The following ITGA1 variants were observed in gnomAD, a reference collection of about 807,000 sequenced individuals.
ITGA1 encodes integrin subunit alpha 1, also known as integrin alpha-1.
In ITGA1, 85 loss-of-function variants were observed where a neutral mutation model predicts 145.9. The observed-to-expected ratio is 0.58, with a 90% CI of 0.49 to 0.70. The LOEUF (loss-of-function observed/expected upper bound fraction) is 0.70. ITGA1 is among the 30% of genes least tolerant of loss of function. The pLI is 0.00. For synonymous variants in ITGA1, 520 were observed against 495.3 expected (o/e 1.05, Z -0.66); for missense variants, 1,351 against 1,418.7 (o/e 0.95, Z 0.77).
chr5:52,861,048 C>T (rs1173476986), intron 2 of ITGA1, among the ~76,000 whole-genome samples: 1 of 152,056 alleles, frequency 6.6e-6, no homozygotes, highest in African/African-American at 2.4e-5. Flanking sequence ...AATACAGTAG[C>T]AGACTTAGCC....
chr5:52,793,968 T>G (rs906891565), intron 1 of ITGA1, among the ~76,000 whole-genome samples: 1 of 152,064 alleles, frequency 6.6e-6, no homozygotes, highest in Admixed American at 6.6e-5. Flanking sequence ...AGACTAATTT[T>G]AATCAAAACT....
intron 8 of ITGA1, among the ~76,000 whole-genome samples, chr5:52,891,445 C>T (rs1035022067): frequency 6.7e-6 from 1 of 149,578 alleles, no homozygotes; most frequent in Non-Finnish European, 1.5e-5. Context: ...ACTGGGGATT[C>T]ATTTTTTGTT....
intron 1 of ITGA1, among the ~76,000 whole-genome samples, chr5:52,847,511 G>A (rs2111747961): frequency 6.6e-6 from 1 of 152,190 alleles, no homozygotes; most frequent in African/African-American, 2.4e-5. Context: ...ATGAGGCTCT[G>A]TAATTTTATA....
chr5:52,945,680 A>T (rs1751124802), intron 27 of ITGA1, among the ~76,000 whole-genome samples: 1 of 152,158 alleles, frequency 6.6e-6, no homozygotes, highest in Admixed American at 6.6e-5. Context: ...CTTCAGCATG[A>T]TCTCCCCCCT....
intron 15 of ITGA1, among the ~76,000 whole-genome samples, chr5:52,917,024 G>T (rs10039713): frequency 0.031 from 4,691 of 152,182 alleles, 277 homozygotes; most frequent in African/African-American, 0.11. Context: ...GGACCAAACC[G>T]ATATACTGGG....
intron 1 of ITGA1, among the ~76,000 whole-genome samples, chr5:52,823,396 G>A (rs1418658660): frequency 6.6e-6 from 1 of 152,096 alleles, no homozygotes; most frequent in African/African-American, 2.4e-5. Flanking sequence ...AGTAGAGATG[G>A]GGTTTTGCTC....
intron 15 of ITGA1, among the ~76,000 whole-genome samples, chr5:52,915,802 A>G (rs1750638373): frequency 6.6e-6 from 1 of 152,180 alleles, no homozygotes; most frequent in Non-Finnish European, 1.5e-5. Context: ...TGAACTCTTA[A>G]TTTGGTGTGT....
intron 1 of ITGA1, among the ~76,000 whole-genome samples, chr5:52,808,356 T>G (rs1409094553): frequency 3.9e-5 from 6 of 152,204 alleles, no homozygotes; most frequent in African/African-American, 1.4e-4. Context: ...AAATAATTGT[T>G]GAAGGATGAA....
At chr5:52,789,275 G>A (rs1031275721) in intron 1 of ITGA1, among the ~76,000 whole-genome samples, 2 of 152,106 alleles carry the variant, frequency 1.3e-5, no homozygotes, top group African/African-American at 2.4e-5. Context: ...AAAGTGTATC[G>A]ATAGAATCTC....
chr5:52,825,237 G>A (rs1350136163), intron 1 of ITGA1: 1 of 152,126 alleles, frequency 6.6e-6, no homozygotes, highest in African/African-American at 2.4e-5. Flanking sequence ...CTTTCACTTA[G>A]TGTGATGTTT....
At position 52,788,190 on chromosome 5, in the gene ITGA1, C is replaced by G; in HGVS notation, c.-164C>G. ...CGCATTTAGAGGAATTCGACGAAAA[C>G]ACAGGAAATCACTCCTCTCCCGCTC... is the stretch of plus-strand genomic sequence containing the variant. On this transcript the variant is annotated 5_prime_UTR_variant, in exon 1 of 29. Transcript: ENST00000282588. 2.0e-6 allele frequency: 1 copy of G among 492,516 alleles called. No homozygotes were observed. Among genetic ancestry groups the G allele is most frequent in the Non-Finnish European group, 3.5e-6 (1 of 281,706 alleles). The allele number at this position is 492,516 out of a possible 1,614,324, so 30.5% of individuals were successfully genotyped here. A position where few individuals can be genotyped will look rare whatever the true frequency, so the allele number is the denominator to read the frequency against.
chr5:52,913,512 AT>A (rs891892653), intron 14 of ITGA1, among the ~76,000 whole-genome samples: 44 of 152,026 alleles, frequency 2.9e-4, no homozygotes, highest in African/African-American at 8.7e-4. Flanking sequence ...CCATAAGTGT[AT>A]TTTTTTTCCT....
chr5:52,865,033 T>TGAC lies in ITGA1; in HGVS notation c.449_451dup (p.Asp150dup). On this transcript the variant is annotated inframe_insertion, in exon 5 of 29. Coordinates refer to ENST00000282588, the MANE Select transcript of ITGA1 (RefSeq NM_181501.2). The stretch of plus-strand genomic sequence containing the variant: ...TGCATTACACAACTGGAATCTGTTC[T>TGAC]GACGTCAGCCCCACATTTCAAGTCG... The TGAC allele has an allele frequency of 6.2e-7, 1 of 1,613,964 alleles. No homozygotes were observed. The highest frequency in any genetic ancestry group is 8.5e-7 in the Non-Finnish European group (1 of 1,179,866).
intron 5 of ITGA1, 40 bp from the exon 6 acceptor site, chr5:52,865,650 A>C (rs1749675986): frequency 7.1e-7 from 1 of 1,407,266 alleles, no homozygotes. Context: ...CTCTGAAAAA[A>C]ATAGATTCCA....
intron 14 of ITGA1, among the ~76,000 whole-genome samples, chr5:52,913,576 A>G (rs1423492538): frequency 6.6e-6 from 1 of 152,216 alleles, no homozygotes; most frequent in Non-Finnish European, 1.5e-5. Context: ...CACTATAAAA[A>G]CAAAAGAATT....
chr5:52,941,539 A>T (rs1237816969), intron 26 of ITGA1, among the ~76,000 whole-genome samples: 1 of 152,006 alleles, frequency 6.6e-6, no homozygotes, highest in Non-Finnish European at 1.5e-5. Flanking sequence ...TGATAATGAG[A>T]GTTTTTTCAT....
At chr5:52,923,626 A>T (rs894340951) in intron 18 of ITGA1, among the ~76,000 whole-genome samples, 2 of 152,216 alleles carry the variant, frequency 1.3e-5, no homozygotes, top group Admixed American at 1.3e-4. Context: ...AAAATGTTTT[A>T]AAAAAGAATT....
chr5:52,943,578 C>T (rs914804432), intron 26 of ITGA1, among the ~76,000 whole-genome samples: 3 of 152,146 alleles, frequency 2.0e-5, no homozygotes, highest in Non-Finnish European at 2.9e-5. Flanking sequence ...AGGCCTCCTC[C>T]AATCACTGGC....
chr5:52,875,486 C>T (rs938256325), intron 6 of ITGA1, among the ~76,000 whole-genome samples: 1 of 152,070 alleles, frequency 6.6e-6, no homozygotes, highest in African/African-American at 2.4e-5. Context: ...TAATTATCTA[C>T]CCATCTATTT....
Sources: gnomAD v4.1 joint callset for allele counts (sites outside exome capture counted in the v4.1 genomes callset) on GRCh38, gnomAD v4.1.1 for gene constraint, MANE v1.5 for transcripts, NCBI Gene and HGNC (gene_info 2026-07-23, HGNC 2026-07-21) for gene names.